The following PSMB7 variants were observed in gnomAD, a reference collection of about 807,000 sequenced individuals.
The protein encoded by PSMB7 is proteasome 20S subunit beta 7, also known as proteasome subunit beta type-7.
Under a neutral mutation model 28.1 loss-of-function variants are expected in PSMB7, and 5 were observed. That is an observed-to-expected ratio of 0.18 (90% CI 0.09 to 0.37). The LOEUF is 0.37. Ranked by LOEUF, PSMB7 falls within the 10% of genes least tolerant of loss-of-function variation. The pLI is 1.00. For synonymous variants in PSMB7, 122 were observed against 123.7 expected, an observed-to-expected ratio of 0.99 and a Z score of 0.09; for missense variants, 275 against 346.2, an observed-to-expected ratio of 0.79 and a Z score of 1.63.
At chr9:124,380,921 T>C (rs1588573868) in intron 6 of PSMB7, among the ~76,000 whole-genome samples, 1 of 152,264 alleles carries the variant, frequency 6.6e-6, no homozygotes, top group Non-Finnish European at 1.5e-5. Flanking sequence ...GCCCAATAGA[T>C]GTTCTGGTAG....
intron 6 of PSMB7, among the ~76,000 whole-genome samples, chr9:124,368,928 C>T (rs1189524888): frequency 2.0e-5 from 3 of 152,200 alleles, no homozygotes; most frequent in Non-Finnish European, 1.5e-5. Flanking sequence ...TCAGAGCCCA[C>T]GTGTGCACAC....
chr9:124,415,227 T>C (rs913836896), intron 1 of PSMB7, 137 bp downstream of exon 1: 3 of 970,598 alleles, frequency 3.1e-6, no homozygotes, highest in Non-Finnish European at 4.6e-6. Context: ...CTGATTCCCC[T>C]GAGTCACACT....
chr9:124,379,357 A>C (rs1324567496), intron 6 of PSMB7, among the ~76,000 whole-genome samples: 2 of 151,596 alleles, frequency 1.3e-5, no homozygotes, highest in African/African-American at 4.8e-5. Flanking sequence ...ACTATGCCCC[A>C]GTCACCATGC....
At chr9:124,367,884 A>G (rs1588569706) in intron 6 of PSMB7, among the ~76,000 whole-genome samples, 1 of 152,194 alleles carries the variant, frequency 6.6e-6, no homozygotes. Context: ...TTACCAAGGC[A>G]AAAGGCTTCA....
At chr9:124,408,825 G>A (rs1830994553) in intron 4 of PSMB7, among the ~76,000 whole-genome samples, 1 of 152,094 alleles carries the variant, frequency 6.6e-6, no homozygotes, top group African/African-American at 2.4e-5. Context: ...AACATCAGGT[G>A]GCATTTACTT....
chr9:124,393,607 A>T (rs1334945623), intron 5 of PSMB7, among the ~76,000 whole-genome samples: 6 of 152,350 alleles, frequency 3.9e-5, no homozygotes, highest in South Asian at 4.1e-4. Context: ...TCCTTTTCTA[A>T]ATGTAATATA....
At chr9:124,361,797 TCA>T (rs1260562457) in intron 6 of PSMB7, among the ~76,000 whole-genome samples, 6 of 152,206 alleles carry the variant, frequency 3.9e-5, no homozygotes, top group Non-Finnish European at 5.9e-5. Flanking sequence ...TTGTAGACAC[TCA>T]CAAACTGATA....
chr9:124,382,269 A>AT (rs748003551), intron 6 of PSMB7, among the ~76,000 whole-genome samples: 40 of 106,036 alleles, frequency 3.8e-4, no homozygotes, highest in Non-Finnish European at 6.6e-4. Flanking sequence ...ATGCAGTGGT[A>AT]TGATCTCGGC....
intron 4 of PSMB7, 54 bp downstream of exon 4, chr9:124,412,298 A>T: frequency 6.5e-7 from 1 of 1,540,102 alleles, no homozygotes; most frequent in Non-Finnish European, 8.9e-7. Flanking sequence ...GGCTGAAAAA[A>T]ATCTAAGATA....
At chr9:124,355,599 T>C (rs891683692) in intron 7 of PSMB7, among the ~76,000 whole-genome samples, 1 of 152,216 alleles carries the variant, frequency 6.6e-6, no homozygotes, top group Non-Finnish European at 1.5e-5. Context: ...TACCTGGAGC[T>C]CGGCAAAGCC....
chr9:124,403,599 G>A (rs1292581976), intron 5 of PSMB7, among the ~76,000 whole-genome samples: 1 of 151,952 alleles, frequency 6.6e-6, no homozygotes, highest in Non-Finnish European at 1.5e-5. Flanking sequence ...GAAGAGAGGG[G>A]GCAAAAAAAT....
At chr9:124,394,103 A>G (rs1468832880) in intron 5 of PSMB7, among the ~76,000 whole-genome samples, 1 of 152,210 alleles carries the variant, frequency 6.6e-6, no homozygotes, top group African/African-American at 2.4e-5. Flanking sequence ...TTCCACTTTA[A>G]TTGATGGACT....
chr9:124,384,708 C>G (rs532248008), intron 5 of PSMB7, 52 bp from the exon 6 acceptor site: 1 of 1,573,306 alleles, frequency 6.4e-7, no homozygotes. Flanking sequence ...CCAGCTTATC[C>G]ATCTCAAGTT....
At chr9:124,373,780 T>C (rs1178113819) in intron 6 of PSMB7, among the ~76,000 whole-genome samples, 2 of 152,188 alleles carry the variant, frequency 1.3e-5, no homozygotes, top group African/African-American at 2.4e-5. Context: ...GGAGGACATA[T>C]AGAAATCGAA....
intron 5 of PSMB7, among the ~76,000 whole-genome samples, chr9:124,390,649 A>C (rs1830774484): frequency 6.6e-6 from 1 of 152,202 alleles, no homozygotes; most frequent in Admixed American, 6.5e-5. Context: ...GAAGCATATA[A>C]ATCAAAATAT....
intron 6 of PSMB7, among the ~76,000 whole-genome samples, chr9:124,376,750 A>G (rs899363374): frequency 6.6e-6 from 1 of 152,258 alleles, no homozygotes; most frequent in African/African-American, 2.4e-5. Context: ...AGAGGCAGAT[A>G]TAGCCCAGTG....
At chr9:124,366,621 G>C (rs1830511129) in intron 6 of PSMB7, among the ~76,000 whole-genome samples, 1 of 152,192 alleles carries the variant, frequency 6.6e-6, no homozygotes, top group African/African-American at 2.4e-5. Flanking sequence ...GTAGTGTACA[G>C]TAACACCCTA....
chr9:124,384,681 G>C, intron 5 of PSMB7, 25 bp from the exon 6 acceptor site: 3 of 1,610,224 alleles, frequency 1.9e-6, no homozygotes, highest in African/African-American at 1.3e-5. Context: ...TGCACTTTTA[G>C]TGTATTTTAT....
intron 6 of PSMB7, among the ~76,000 whole-genome samples, chr9:124,369,209 C>A (rs898964618): frequency 2.0e-5 from 3 of 152,114 alleles, no homozygotes; most frequent in Non-Finnish European, 4.4e-5. Flanking sequence ...CTATTTAGTA[C>A]AACTTCCTAT....
Sources: gnomAD v4.1 joint callset for allele counts (sites outside exome capture counted in the v4.1 genomes callset) on GRCh38, gnomAD v4.1.1 for gene constraint, MANE v1.5 for transcripts, NCBI Gene and HGNC (gene_info 2026-07-23, HGNC 2026-07-21) for gene names.